The following PPP2R5E variants were observed in gnomAD, a reference collection of about 807,000 sequenced individuals.
PPP2R5E encodes the protein protein phosphatase 2 regulatory subunit B'epsilon.
In PPP2R5E, 4 loss-of-function variants were observed where a neutral mutation model predicts 65.3. The ratio of observed to expected loss-of-function variants is 0.06; its 90% CI spans 0.03 to 0.14. The LOEUF is 0.14. Among genes scored for constraint, PPP2R5E ranks in the 10% least tolerant of loss-of-function variants. The pLI is 1.00. For synonymous variants in PPP2R5E, 183 were observed against 187.4 expected (o/e 0.98, Z 0.19); for missense variants, 274 against 556.1 (o/e 0.49, Z 5.10).
At chr14:63,406,899 T>C (rs1886122174) in intron 5 of PPP2R5E, among the ~76,000 whole-genome samples, 1 of 152,194 alleles carries the variant, frequency 6.6e-6, no homozygotes, top group Non-Finnish European at 1.5e-5. Context: ...TTTCAAATAA[T>C]TCATAACATG....
intron 3 of PPP2R5E, among the ~76,000 whole-genome samples, chr14:63,430,417 A>ACATG (rs1290922831): frequency 9.1e-4 from 137 of 149,892 alleles, no homozygotes; most frequent in African/African-American, 2.8e-3. Context: ...ATACATACAT[A>ACATG]CATGCATACA....
At chr14:63,469,877 T>C (rs1322091854) in intron 2 of PPP2R5E, among the ~76,000 whole-genome samples, 1 of 152,220 alleles carries the variant, frequency 6.6e-6, no homozygotes, top group Non-Finnish European at 1.5e-5. Context: ...GAACCAAGGC[T>C]GCAAGATATT....
chr14:63,531,490 A>AAG (rs1893433338), intron 2 of PPP2R5E, among the ~76,000 whole-genome samples: 1 of 69,152 alleles, frequency 1.4e-5, no homozygotes, highest in Non-Finnish European at 2.5e-5. Flanking sequence ...AAAAAGAAAA[A>AAG]AAAAAATAAC....
In PPP2R5E at chr14:63,413,132, C is replaced by T. The variant is rs78315901; in HGVS notation, c.549+2008G>A. On this transcript the variant is annotated intron_variant, in intron 5 of 13. Coordinates refer to ENST00000337537, the MANE Select transcript of PPP2R5E (RefSeq NM_006246.5). ...AACTAGAATACATAACCCAAAATGTCCTTTCCAAATCTGGGTTTCTCTGAT... is the reference window on the plus strand; with the variant it reads ...AACTAGAATACATAACCCAAAATGTTCTTTCCAAATCTGGGTTTCTCTGAT... 4.9e-3 allele frequency among the ~76,000 whole-genome samples: 746 copies of T among 152,278 alleles called. 7 individuals carry two copies. The highest frequency in any genetic ancestry group is 0.016 in the African/African-American group (654 of 41,556).
chr14:63,515,097 C>T lies in PPP2R5E; in HGVS notation c.157+24432G>A, dbSNP rs781061143. Among the ~76,000 whole-genome samples, 7 of 152,166 alleles carry T rather than the reference C, an allele frequency of 4.6e-5. No individual in the cohort carries two copies. The South Asian group carries it at 1.2e-3, about 27-fold the overall frequency. On this transcript the variant is annotated intron_variant, in intron 2 of 13. Transcript: ENST00000337537. ...TGTATTTCTGACCTGGCCATACCTC[C>T]GTACAACCCTAAGCAAGCCCACCTG...
intron 2 of PPP2R5E, among the ~76,000 whole-genome samples, chr14:63,466,987 G>A (rs1042457294): frequency 2.6e-5 from 4 of 152,078 alleles, no homozygotes; most frequent in African/African-American, 7.3e-5. Flanking sequence ...AGCACTTTGG[G>A]AGGCCAAGGC....
rs199972933 is a variant in PPP2R5E at position 63,474,709 on chromosome 14, A to G, written c.158-20824T>C. On this transcript the variant is annotated intron_variant, in intron 2 of 13. Coordinates refer to ENST00000337537, the MANE Select transcript of PPP2R5E (RefSeq NM_006246.5). ...AAAAAAAAAAAAAAAAACAAGAAGA[A>G]GAAAAGCAAAAGAAATGTCATATTT... Among the ~76,000 whole-genome samples the G allele has an allele frequency of 1.2e-3, 175 of 150,920 alleles. 3 individuals are homozygous for G. Among genetic ancestry groups the G allele is most frequent in the East Asian group, 5.6e-3 (29 of 5,164 alleles).
rs1245766530 is a variant in PPP2R5E, at chr14:63,373,544, C to A, written c.*2465G>T. ...GTGTTTCTTCTCAGAAGTTGCCCTA[C>A]GAATTTTAGACATATAGCTTTAATT... On this transcript the variant is annotated 3_prime_UTR_variant, in exon 14 of 14. Coordinates refer to ENST00000337537, the MANE Select transcript of PPP2R5E (RefSeq NM_006246.5). 6.6e-6 allele frequency: 1 copy of A among 152,204 alleles called. No individual in the cohort carries two copies. Among genetic ancestry groups the A allele is most frequent in the African/African-American group, 2.4e-5 (1 of 41,454 alleles). The allele number at this position is 152,204 out of a possible 1,614,324, so 9.4% of individuals were successfully genotyped here.
intron 2 of PPP2R5E, among the ~76,000 whole-genome samples, chr14:63,505,436 T>C (rs887094889): frequency 3.9e-5 from 6 of 152,182 alleles, no homozygotes; most frequent in African/African-American, 1.4e-4. Context: ...ATAAACACCA[T>C]GGTCATTACG....
At chr14:63,441,864 C>A (rs993138750) in intron 3 of PPP2R5E, among the ~76,000 whole-genome samples, 2 of 149,932 alleles carry the variant, frequency 1.3e-5, no homozygotes, top group Admixed American at 6.7e-5. Flanking sequence ...GAGCCAAGAT[C>A]GCGCCACTGC....
At chr14:63,486,980 C>A (rs78099142) in intron 2 of PPP2R5E, among the ~76,000 whole-genome samples, 1 of 152,146 alleles carries the variant, frequency 6.6e-6, no homozygotes, top group Non-Finnish European at 1.5e-5. Context: ...GAATTATATA[C>A]AATTATATTT....
intron 10 of PPP2R5E, among the ~76,000 whole-genome samples, chr14:63,391,095 T>TGTAC (rs1884992944): frequency 6.6e-6 from 1 of 152,188 alleles, no homozygotes. Context: ...CTAGCGTCTA[T>TGTAC]GTACAGTGAC....
intron 2 of PPP2R5E, among the ~76,000 whole-genome samples, chr14:63,459,283 T>C (rs17225252): frequency 0.33 from 50,008 of 152,068 alleles, 10,955 homozygotes; most frequent in African/African-American, 0.62. Flanking sequence ...AAATCATTGC[T>C]ATCAATTTTA....
At position 63,467,222 on chromosome 14, in the gene PPP2R5E, C is replaced by CAAAAAAAAA. The variant is rs767892639; in HGVS notation, c.158-13338_158-13337insTTTTTTTTT. Reference sequence around the variant, plus strand: ...TGGGTGACAGAGCAAGACTCCGTCTCAAAAAAAACAAACAAACAAACAAAA... The same window carrying CAAAAAAAAA: ...TGGGTGACAGAGCAAGACTCCGTCTCAAAAAAAAAAAAAAAAACAAACAAACAAACAAAA... On this transcript the variant is annotated intron_variant, in intron 2 of 13. Transcript: ENST00000337537. 5.2e-3 allele frequency among the ~76,000 whole-genome samples: 594 copies of CAAAAAAAAA among 114,100 alleles called. 91 individuals carry two copies. The highest frequency in any genetic ancestry group is 0.014 in the African/African-American group (319 of 22,388). 74.9% of individuals were successfully genotyped at this position (114,100 alleles called of 152,430 possible). A position where few individuals can be genotyped will look rare whatever the true frequency, so the allele number is the denominator to read the frequency against.
At chr14:63,535,584 AGT>A (rs1205765714) in intron 2 of PPP2R5E, among the ~76,000 whole-genome samples, 1 of 151,958 alleles carries the variant, frequency 6.6e-6, no homozygotes, top group Non-Finnish European at 1.5e-5. Flanking sequence ...GCACAAAACG[AGT>A]GGTTATTAAT....
At chr14:63,403,197 C>T (rs575681008) in intron 5 of PPP2R5E, among the ~76,000 whole-genome samples, 2 of 152,004 alleles carry the variant, frequency 1.3e-5, no homozygotes, top group South Asian at 4.2e-4. Flanking sequence ...AAGACGAAGG[C>T]GGGCTGATCA....
chr14:63,474,274 G>A (rs1890283656), intron 2 of PPP2R5E, among the ~76,000 whole-genome samples: 1 of 152,132 alleles, frequency 6.6e-6, no homozygotes, highest in Non-Finnish European at 1.5e-5. Context: ...AGGGATCAAA[G>A]GTGACTCTTG....
chr14:63,501,512 T>G (rs1407749179), intron 2 of PPP2R5E, among the ~76,000 whole-genome samples: 1 of 151,828 alleles, frequency 6.6e-6, no homozygotes, highest in Non-Finnish European at 1.5e-5. Context: ...AGTAGATTAG[T>G]GATTAAAGTA....
At chr14:63,462,094 G>A (rs1393668747) in intron 2 of PPP2R5E, among the ~76,000 whole-genome samples, 1 of 142,992 alleles carries the variant, frequency 7.0e-6, no homozygotes, top group East Asian at 2.0e-4. Flanking sequence ...TTTTTTAGAC[G>A]GAGTCTCGCT....
Sources: allele counts gnomAD v4.1 joint callset (sites outside exome capture counted in the v4.1 genomes callset), GRCh38; gene constraint gnomAD v4.1.1; transcripts MANE v1.5; gene names NCBI Gene and HGNC (gene_info 2026-07-23, HGNC 2026-07-21).